INTS4: variants seen among roughly 807,000 people sequenced by gnomAD.
The protein encoded by INTS4 is integrator complex subunit 4.
INTS4 carries 70 observed loss-of-function variants against 119.5 expected under a neutral mutation model. That is an observed-to-expected ratio of 0.59 (90% CI 0.48 to 0.71). INTS4 has a LOEUF of 0.71. INTS4 is among the 30% of genes least tolerant of loss of function. The pLI, the probability that INTS4 is intolerant of heterozygous loss-of-function variation, is 0.00. For synonymous variants in INTS4, 316 were observed against 419.6 expected (o/e 0.75, Z 3.02); for missense variants, 867 against 1,173.2 (o/e 0.74, Z 3.81).
intron 10 of INTS4, 105 bp from the exon 11 acceptor site, chr11:77,928,652 G>A (rs1196940306): frequency 8.6e-5 from 127 of 1,473,960 alleles, no homozygotes; most frequent in South Asian, 4.1e-4. Flanking sequence ...ACTTGAGCCC[G>A]CCTATGCAAT....
chr11:77,902,149 G>C (rs1301871690), intron 17 of INTS4, among the ~76,000 whole-genome samples: 1 of 152,172 alleles, frequency 6.6e-6, no homozygotes, highest in Non-Finnish European at 1.5e-5. Context: ...ACACTCTAGG[G>C]TCACGGAAAT....
chr11:77,949,598 C>G (rs1306556068), intron 8 of INTS4, among the ~76,000 whole-genome samples: 1 of 151,378 alleles, frequency 6.6e-6, no homozygotes. Flanking sequence ...TTTATGTGAC[C>G]AACAAACATA....
chr11:77,926,795 G>A (rs1953513369), intron 11 of INTS4, among the ~76,000 whole-genome samples: 1 of 130,682 alleles, frequency 7.7e-6, no homozygotes, highest in East Asian at 2.1e-4. Context: ...CTGGGGAACA[G>A]AGCGAGACTC....
At position 77,923,315 on chromosome 11, in the gene INTS4, C is replaced by CAA. The variant is rs35475320; in HGVS notation, c.1515-846_1515-845dup. On this transcript the variant is annotated intron_variant, in intron 12 of 22. Transcript: ENST00000534064. The stretch of plus-strand genomic sequence containing the variant: ...CTGGCGATAAAGAGAGACTCTGTCT[C>CAA]AAAAAAAAAAAAAAAAAAAAAGCCA... 5.4e-3 allele frequency among the ~76,000 whole-genome samples: 475 copies of CAA among 87,582 alleles called. 9 individuals are homozygous for CAA. The highest frequency in any genetic ancestry group is 0.038 in the South Asian group (87 of 2,286). The allele number at this position is 87,582 out of a possible 152,430, so 57.5% of individuals were successfully genotyped here. A position where few individuals can be genotyped will look rare whatever the true frequency, so the allele number is the denominator to read the frequency against.
At chr11:77,879,627 C>T (rs1423848453) in intron 22 of INTS4, among the ~76,000 whole-genome samples, 1 of 152,170 alleles carries the variant, frequency 6.6e-6, no homozygotes, top group Non-Finnish European at 1.5e-5. Context: ...AGGAACATGT[C>T]TCAGGGACCT....
At chr11:77,991,895 T>C (rs1439969073) in intron 1 of INTS4, among the ~76,000 whole-genome samples, 2 of 152,084 alleles carry the variant, frequency 1.3e-5, no homozygotes, top group Non-Finnish European at 2.9e-5. Flanking sequence ...GCTGGGATTA[T>C]AGGTGTGTGC....
intron 15 of INTS4, among the ~76,000 whole-genome samples, chr11:77,910,243 C>T (rs1201675510): frequency 1.3e-5 from 2 of 151,846 alleles, no homozygotes; most frequent in Non-Finnish European, 2.9e-5. Flanking sequence ...CATATATACA[C>T]CATGGAATAC....
chr11:77,960,836 A>C, intron 5 of INTS4, 117 bp downstream of exon 5: 15 of 948,140 alleles, frequency 1.6e-5, no homozygotes, highest in Non-Finnish European at 2.2e-5. Context: ...GCCACCACCA[A>C]TACCCTCCTG....
intron 10 of INTS4, among the ~76,000 whole-genome samples, chr11:77,934,571 C>T (rs1198007868): frequency 6.6e-6 from 1 of 151,038 alleles, no homozygotes; most frequent in East Asian, 1.9e-4. Flanking sequence ...TGTTACATTG[C>T]CATTGAATTC....
chr11:77,897,301 C>T (rs1952567002), intron 18 of INTS4, among the ~76,000 whole-genome samples: 2 of 150,938 alleles, frequency 1.3e-5, no homozygotes, highest in South Asian at 4.2e-4. Context: ...CAAGACTGGC[C>T]TGGACAACGC....
intron 4 of INTS4, among the ~76,000 whole-genome samples, chr11:77,964,608 T>TA (rs1299939076): frequency 6.6e-6 from 1 of 150,596 alleles, no homozygotes; most frequent in Non-Finnish European, 1.5e-5. Flanking sequence ...TAAATAAAAA[T>TA]AAAAATTATT....
At chr11:77,921,189 G>A in intron 14 of INTS4, 151 bp downstream of exon 14, 1 of 708,332 alleles carries the variant, frequency 1.4e-6, no homozygotes, top group Non-Finnish European at 2.4e-6. Context: ...CCAGTGACTT[G>A]GGAGGCTGAG....
intron 14 of INTS4, among the ~76,000 whole-genome samples, chr11:77,919,858 G>T (rs891538590): frequency 3.9e-5 from 6 of 152,114 alleles, no homozygotes; most frequent in African/African-American, 1.4e-4. Context: ...GCCCAGGCGG[G>T]AGTGCAGTGG....
At chr11:77,922,299 G>A (rs1469702121) in intron 13 of INTS4, 57 bp downstream of exon 13, 2 of 1,545,298 alleles carry the variant, frequency 1.3e-6, no homozygotes, top group African/African-American at 1.4e-5. Flanking sequence ...TACTGCAGAA[G>A]GAGATGCCAA....
intron 13 of INTS4, among the ~76,000 whole-genome samples, chr11:77,921,687 A>C (rs1953364070): frequency 6.6e-6 from 1 of 152,236 alleles, no homozygotes; most frequent in South Asian, 2.1e-4. Context: ...CCAAGAATAC[A>C]AAAAATGGAA....
intron 15 of INTS4, among the ~76,000 whole-genome samples, chr11:77,910,116 T>A (rs1431250818): frequency 6.6e-6 from 1 of 152,144 alleles, no homozygotes; most frequent in Non-Finnish European, 1.5e-5. Context: ...GGATTATAAA[T>A]CATGCTGCTA....
Position 77,894,531 on chromosome 11 carries a change from C to T in INTS4, c.2229-182G>A, listed in dbSNP as rs545398111. ...GGAAACACCTGTCGGGATCCCAAGA[C>T]CTGATTAAACCACTGCAGTGCCCAT... On this transcript the variant is annotated intron_variant, in intron 18 of 22. Transcript: ENST00000534064. Among the ~76,000 whole-genome samples the T allele has an allele frequency of 7.7e-4, 117 of 152,294 alleles. 1 individual carries two copies. Among genetic ancestry groups the T allele is most frequent in the Non-Finnish European group, 7.8e-4 (53 of 68,022 alleles).
chr11:77,961,010 T>C lies in INTS4; in HGVS notation c.600A>G (p.Ile200Met), dbSNP rs1285352612. Residue 200 changes from isoleucine (I) to methionine (M), a missense_variant, in exon 5 of 23, where the codon ATA becomes ATG. By Grantham distance (10) the Ile-to-Met change is conservative (BLOSUM62 1). This residue lies in a region of INTS4 where 224 missense variants were observed against 231.8 expected (regional missense o/e 0.97). Coordinates refer to ENST00000534064, the MANE Select transcript of INTS4 (RefSeq NM_033547.4). ...GLAARDVQKIIGDYFSDQDPR... is the reference protein window; with the variant it reads ...GLAARDVQKIMGDYFSDQDPR... ...GGTCTTGGTCACTGAAGTAATCCCC[T>C]ATAATCTTCTGGACATCTCTGGCAG... The C allele has an allele frequency of 6.2e-7, 1 of 1,613,920 alleles. No individual in the cohort carries two copies. The highest frequency in any genetic ancestry group is 8.5e-7 in the Non-Finnish European group (1 of 1,179,914).
downstream of INTS4, chr11:77,877,139 C>T (rs1951621281): frequency 3.0e-6 from 2 of 659,726 alleles, no homozygotes; most frequent in Admixed American, 4.4e-5. Context: ...AAATAGACTG[C>T]CTGGAAATAG....
Sources: allele counts gnomAD v4.1 joint callset (sites outside exome capture counted in the v4.1 genomes callset), GRCh38; gene constraint gnomAD v4.1.1; regional missense constraint gnomAD v4.1.1; transcripts MANE v1.5; gene names NCBI Gene and HGNC (gene_info 2026-07-23, HGNC 2026-07-21).